Variants in ENPP6 observed in about 807,000 individuals in gnomAD.
The protein encoded by ENPP6 is glycerophosphocholine cholinephosphodiesterase ENPP6.
A neutral mutation model predicts 42.0 loss-of-function variants in ENPP6; 32 were observed. The ratio of observed to expected loss-of-function variants is 0.76; its 90% CI spans 0.58 to 1.02. The LOEUF (loss-of-function observed/expected upper bound fraction) is 1.02, where lower values mean the gene tolerates loss of function less well. ENPP6 is among the 50% of genes least tolerant of loss of function. The probability of loss-of-function intolerance (pLI) is 0.00; values close to 1 mark genes in which losing one functional copy is unlikely to be tolerated. For missense variants in ENPP6, 552 were observed against 566.8 expected, an observed-to-expected ratio of 0.97 and a Z score of 0.27; for synonymous variants, 213 against 216.0, an observed-to-expected ratio of 0.99 and a Z score of 0.12.
chr4:184,095,309 T>C (rs1207280099), intron 7 of ENPP6, among the ~76,000 whole-genome samples: 1 of 152,168 alleles, frequency 6.6e-6, no homozygotes, highest in Non-Finnish European at 1.5e-5. Flanking sequence ...AATGCAGCTT[T>C]GGGGACCTTG....
At position 184,091,246 on chromosome 4, in the gene ENPP6, G is replaced by A. The variant is rs201803728; in HGVS notation, c.1254C>T (p.Ala418=). 8 of 1,599,790 alleles carry A rather than the reference G, an allele frequency of 5.0e-6. No homozygotes were observed. Among genetic ancestry groups the A allele is most frequent in the South Asian group, 1.1e-5 (1 of 87,604 alleles). ...TGGGCCAGACAGGCGGGGCAGTGCT[G>A]GCGCGGCCCTTCAGCATGCACATCA... is the stretch of plus-strand genomic sequence containing the variant. ...SRVMCMLKGR[A]STAPPVWPSH... The change falls in exon 8 of 8, where the codon GCC becomes GCT. Residue 418 remains alanine (A), a synonymous_variant. Coordinates refer to ENST00000296741, the MANE Select transcript of ENPP6 (RefSeq NM_153343.4).
At chr4:184,169,385 G>A (rs934323238) in intron 1 of ENPP6, among the ~76,000 whole-genome samples, 3 of 152,172 alleles carry the variant, frequency 2.0e-5, no homozygotes, top group East Asian at 3.9e-4. Context: ...AGGAAGAGAC[G>A]CTGGGGCTAC....
Position 184,160,611 on chromosome 4 carries a change from C to A in ENPP6, c.242-6878G>T, listed in dbSNP as rs569500336. Among the ~76,000 whole-genome samples, 46 of 152,306 alleles carry A rather than the reference C, an allele frequency of 3.0e-4. 1 individual carries two copies. Among genetic ancestry groups the A allele is most frequent in the Admixed American group, 3.0e-3 (46 of 15,296 alleles). On this transcript the variant is annotated intron_variant, in intron 1 of 7. Transcript: ENST00000296741. ...TGTGTACATGCACATATACATAGCA[C>A]ATAGTGAGCACTGTTAATATTAACT...
intron 3 of ENPP6, among the ~76,000 whole-genome samples, chr4:184,123,265 C>A (rs1316268836): frequency 6.6e-6 from 1 of 151,968 alleles, no homozygotes; most frequent in African/African-American, 2.4e-5. Context: ...TAGGGACAGG[C>A]CCTTTCATGT....
At chr4:184,168,352 A>G (rs547113046) in intron 1 of ENPP6, among the ~76,000 whole-genome samples, 13 of 152,354 alleles carry the variant, frequency 8.5e-5, no homozygotes, top group African/African-American at 3.1e-4. Context: ...GCACTTTGAA[A>G]AATCCTCTTC....
chr4:184,173,279 G>A (rs967775719), intron 1 of ENPP6, among the ~76,000 whole-genome samples: 1 of 152,156 alleles, frequency 6.6e-6, no homozygotes, highest in African/African-American at 2.4e-5. Context: ...ACAAAAGAAA[G>A]AAATCAAAGG....
At chr4:184,176,688 G>A (rs573811327) in intron 1 of ENPP6, among the ~76,000 whole-genome samples, 1 of 151,950 alleles carries the variant, frequency 6.6e-6, no homozygotes, top group Admixed American at 6.6e-5. Flanking sequence ...ACCTGCTAGA[G>A]TTGACTGAAC....
At chr4:184,110,704 G>A (rs1736183028) in intron 6 of ENPP6, among the ~76,000 whole-genome samples, 1 of 152,236 alleles carries the variant, frequency 6.6e-6, no homozygotes, top group Admixed American at 6.5e-5. Context: ...GAGCATTGCA[G>A]AAGAGCTTGC....
chr4:184,120,159 G>C lies in ENPP6; in HGVS notation c.534-2259C>G, dbSNP rs564862179. On this transcript the variant is annotated intron_variant, in intron 3 of 7. Coordinates refer to ENST00000296741, the MANE Select transcript of ENPP6 (RefSeq NM_153343.4). The stretch of plus-strand genomic sequence containing the variant: ...CTTTTCCTGAGTATGTGGCTGAGCA[G>C]GCATGAGGAGCCAGTCTCCTAGCCC... 2.0e-5 allele frequency among the ~76,000 whole-genome samples: 3 copies of C among 152,302 alleles called. No homozygotes were observed. The South Asian group carries it at 6.2e-4, about 32-fold the overall frequency.
In ENPP6 at chr4:184,185,145, T is replaced by C. The variant is rs535945059; in HGVS notation, c.242-31412A>G. Among the ~76,000 whole-genome samples the C allele has an allele frequency of 3.3e-5, 5 of 152,296 alleles. No individual in the cohort carries two copies. In the South Asian group the frequency reaches 1.0e-3, roughly 32 times the overall value. ...TGTATTAAATGTATACTAAACTGGA[T>C]TGAGAACACAGAACATCCCTGTCTT... On this transcript the variant is annotated intron_variant, in intron 1 of 7. Coordinates refer to ENST00000296741, the MANE Select transcript of ENPP6 (RefSeq NM_153343.4).
chr4:184,117,069 C>G, intron 4 of ENPP6, 34 bp from the exon 5 acceptor site: 1 of 1,612,046 alleles, frequency 6.2e-7, no homozygotes, highest in East Asian at 2.2e-5. Context: ...ATTACGGCAC[C>G]AACAGAGAGG....
intron 1 of ENPP6, among the ~76,000 whole-genome samples, chr4:184,191,400 G>A (rs1051362147): frequency 1.3e-5 from 2 of 152,212 alleles, no homozygotes; most frequent in Non-Finnish European, 1.5e-5. Flanking sequence ...GGAAATGTAC[G>A]TTCTGCTCCC....
At chr4:184,168,001 C>G (rs576456511) in intron 1 of ENPP6, among the ~76,000 whole-genome samples, 110 of 152,198 alleles carry the variant, frequency 7.2e-4, no homozygotes, top group African/African-American at 2.6e-3. Flanking sequence ...GCGGTAGACT[C>G]CACGGGAATA....
At chr4:184,212,895 C>A (rs990462766) in intron 1 of ENPP6, among the ~76,000 whole-genome samples, 28 of 152,062 alleles carry the variant, frequency 1.8e-4, no homozygotes, top group African/African-American at 4.8e-4. Context: ...ACAGAGATAT[C>A]GATCAATGGA....
chr4:184,101,246 AGT>A (rs907151249), intron 6 of ENPP6, among the ~76,000 whole-genome samples: 21 of 144,506 alleles, frequency 1.5e-4, no homozygotes, highest in Non-Finnish European at 2.4e-4. Context: ...TGTATATGTG[AGT>A]GTGTGTTTAT....
intron 2 of ENPP6, among the ~76,000 whole-genome samples, chr4:184,132,828 CACACACATATAT>C (rs1560988112): frequency 6.8e-5 from 1 of 14,650 alleles, no homozygotes; most frequent in Non-Finnish European, 1.7e-4. Context: ...TACACACACA[CACACACATATAT>C]ATATATATAT....
intron 2 of ENPP6, among the ~76,000 whole-genome samples, chr4:184,128,155 T>C (rs1275518110): frequency 6.6e-6 from 1 of 152,188 alleles, no homozygotes; most frequent in African/African-American, 2.4e-5. Context: ...CCAAATTTAT[T>C]AACTTCAAAA....
intron 2 of ENPP6, among the ~76,000 whole-genome samples, chr4:184,129,269 G>A (rs754483865): frequency 2.5e-5 from 2 of 80,388 alleles, no homozygotes; most frequent in Non-Finnish European, 2.6e-5. Context: ...CACTGACGTA[G>A]TACACAAACA....
chr4:184,165,448 C>T (rs971880771), intron 1 of ENPP6, among the ~76,000 whole-genome samples: 41 of 152,238 alleles, frequency 2.7e-4, no homozygotes, highest in Non-Finnish European at 2.4e-4. Flanking sequence ...ACCTGCTCCC[C>T]TCCAGCCACG....
Sources: allele counts gnomAD v4.1 joint callset (sites outside exome capture counted in the v4.1 genomes callset), GRCh38; gene constraint gnomAD v4.1.1; transcripts MANE v1.5; gene names NCBI Gene and HGNC (gene_info 2026-07-23, HGNC 2026-07-21).